The following CCDC3 variants were observed in gnomAD, a reference collection of about 807,000 sequenced individuals.
CCDC3 encodes the protein coiled-coil domain-containing protein 3.
In CCDC3, 24 loss-of-function variants were observed where a neutral mutation model predicts 21.4. The observed-to-expected ratio is 1.12, with a 90% CI of 0.81 to 1.58. The LOEUF is 1.58. CCDC3 is among the 40% of genes most tolerant of loss of function. CCDC3 has a pLI of 0.00. For synonymous variants in CCDC3, 186 were observed against 166.0 expected (o/e 1.12, Z -0.93); for missense variants, 425 against 360.9 (o/e 1.18, Z -1.44).
intron 2 of CCDC3, among the ~76,000 whole-genome samples, chr10:12,958,625 G>C (rs1233157056): frequency 6.6e-6 from 1 of 152,152 alleles, no homozygotes. Flanking sequence ...AACTTCCATA[G>C]AGAAAAAGAG....
intron 5 of CCDC3, among the ~76,000 whole-genome samples, chr10:13,027,384 T>A (rs553409610): frequency 6.6e-6 from 1 of 152,188 alleles, no homozygotes; most frequent in Non-Finnish European, 1.5e-5. Flanking sequence ...ATGGTTCCCA[T>A]CTGTCATATT....
At chr10:13,067,401 T>TC (rs1836834254) in intron 4 of CCDC3, among the ~76,000 whole-genome samples, 1 of 151,988 alleles carries the variant, frequency 6.6e-6, no homozygotes, top group Admixed American at 6.5e-5. Flanking sequence ...GTTTTTTTTT[T>TC]CCTTTTTGAA....
intron 2 of CCDC3, among the ~76,000 whole-genome samples, chr10:12,924,409 C>T (rs1235268517): frequency 1.3e-5 from 2 of 152,194 alleles, no homozygotes; most frequent in East Asian, 1.9e-4. Flanking sequence ...TCCTAGAATG[C>T]TTTCTGAAGC....
intron 4 of CCDC3, among the ~76,000 whole-genome samples, chr10:13,057,694 A>G (rs1836699203): frequency 6.6e-6 from 1 of 152,132 alleles, no homozygotes. Context: ...CCTGGCCAAT[A>G]TAGTGAAACC....
chr10:12,906,617 C>T (rs979683719), intron 2 of CCDC3, among the ~76,000 whole-genome samples: 2 of 152,108 alleles, frequency 1.3e-5, no homozygotes, highest in African/African-American at 2.4e-5. Flanking sequence ...TGTTAGAGTC[C>T]ACAGGTCAGG....
intron 2 of CCDC3, among the ~76,000 whole-genome samples, chr10:12,910,008 C>T (rs901722395): frequency 2.6e-5 from 4 of 152,190 alleles, no homozygotes; most frequent in African/African-American, 9.6e-5. Flanking sequence ...CCGGGGAATG[C>T]GATGGGAATT....
chr10:12,914,937 A>G (rs1834327555), intron 2 of CCDC3, among the ~76,000 whole-genome samples: 1 of 152,022 alleles, frequency 6.6e-6, no homozygotes. Context: ...CTAGATGTTT[A>G]CTTGGCAAGT....
intron 2 of CCDC3, among the ~76,000 whole-genome samples, chr10:12,967,919 C>T (rs1835284868): frequency 6.6e-6 from 1 of 152,114 alleles, no homozygotes; most frequent in African/African-American, 2.4e-5. Context: ...GCCTATAATC[C>T]CAGCGCTTTG....
At chr10:12,916,685 G>C (rs1245713083) in intron 2 of CCDC3, among the ~76,000 whole-genome samples, 1 of 152,096 alleles carries the variant, frequency 6.6e-6, no homozygotes, top group Non-Finnish European at 1.5e-5. Flanking sequence ...CGGGCTCAAA[G>C]CCTGGAGCCA....
rs187288849 is a variant in CCDC3, at chr10:13,086,636, C to T, written c.-503+11889G>A. ...TAATTTTTTGTATTTTTAGTAGAGACGGGGTTTCACCGTGTTAGCCAGGAT... is the reference window on the plus strand; with the variant it reads ...TAATTTTTTGTATTTTTAGTAGAGATGGGGTTTCACCGTGTTAGCCAGGAT... On this transcript the variant is annotated intron_variant, in intron 3 of 6. Transcript: ENST00000378839. 9.0e-3 allele frequency among the ~76,000 whole-genome samples: 1,368 copies of T among 152,056 alleles called. 24 individuals are homozygous for T. The highest frequency in any genetic ancestry group is 0.03 in the African/African-American group (1,245 of 41,500).
rs1274703543 is a variant in CCDC3, at chr10:12,898,218, G to A, written c.*198C>T. The A allele has an allele frequency of 4.6e-6, 3 of 649,212 alleles. No homozygotes were observed. Among genetic ancestry groups the A allele is most frequent in the Middle Eastern group, 4.2e-4 (1 of 2,374 alleles). The allele number at this position is 649,212 out of a possible 1,614,324, so 40.2% of individuals were successfully genotyped here. The stretch of plus-strand genomic sequence containing the variant: ...TGCGTCTGGGGTCAGGCCAGGAAGG[G>A]GCAGCGCGTGGGGTCTGACATTGAG... On this transcript the variant is annotated 3_prime_UTR_variant, in exon 3 of 3. Transcript: ENST00000378825.
At chr10:13,099,459 C>T (rs1832689184) in intron 1 of CCDC3, 1 of 148,214 alleles carries the variant, frequency 6.7e-6, no homozygotes, top group Admixed American at 6.7e-5. Context: ...ATCCCTGCAG[C>T]GCTACCCGGG....
chr10:13,078,817 A>G (rs1588417770), intron 3 of CCDC3, among the ~76,000 whole-genome samples: 1 of 144,614 alleles, frequency 6.9e-6, no homozygotes, highest in East Asian at 2.1e-4. Flanking sequence ...CAATGAGAAC[A>G]CTTGGACACA....
chr10:12,991,589 C>T (rs374775559), intron 2 of CCDC3, among the ~76,000 whole-genome samples: 4 of 152,138 alleles, frequency 2.6e-5, no homozygotes, highest in East Asian at 1.9e-4. Context: ...CCACCTCAGC[C>T]CCCCAAATTG....
intron 2 of CCDC3, among the ~76,000 whole-genome samples, chr10:12,909,924 C>T (rs1003571388): frequency 6.6e-6 from 1 of 152,232 alleles, no homozygotes; most frequent in Non-Finnish European, 1.5e-5. Context: ...CCACCTTCCT[C>T]CCAAGGGCTG....
At chr10:12,932,681 AGAACTTCCAATAT>A (rs1834666299) in intron 2 of CCDC3, among the ~76,000 whole-genome samples, 1 of 152,200 alleles carries the variant, frequency 6.6e-6, no homozygotes, top group Non-Finnish European at 1.5e-5. Context: ...TAGCTACAAT[AGAACTTCCAATAT>A]GATGTTGAAA....
intron 2 of CCDC3, among the ~76,000 whole-genome samples, chr10:12,949,040 CT>C (rs940007885): frequency 6.6e-6 from 1 of 152,088 alleles, no homozygotes. Flanking sequence ...ATGGGGATAC[CT>C]ACATAATGTC....
At chr10:12,949,836 G>A (rs1388679653) in intron 2 of CCDC3, among the ~76,000 whole-genome samples, 1 of 152,202 alleles carries the variant, frequency 6.6e-6, no homozygotes, top group African/African-American at 2.4e-5. Flanking sequence ...GGTAATGGGT[G>A]CAGAGACTGT....
chr10:12,918,988 G>A (rs112002808), intron 2 of CCDC3, among the ~76,000 whole-genome samples: 2,132 of 152,174 alleles, frequency 0.014, 54 homozygotes, highest in African/African-American at 0.048. Flanking sequence ...CCCGGGAGGC[G>A]GAGCTTGCAG....
Sources: allele counts gnomAD v4.1 joint callset (sites outside exome capture counted in the v4.1 genomes callset), GRCh38; gene constraint gnomAD v4.1.1; transcripts MANE v1.5; gene names NCBI Gene and HGNC (gene_info 2026-07-23, HGNC 2026-07-21).